The following SPMIP11 variants were observed in gnomAD, a reference collection of about 807,000 sequenced individuals.
The protein encoded by SPMIP11 is long intergenic non-protein coding RNA 935.
chr12:48,728,732 G>A, the SPMIP11 span, among the ~76,000 whole-genome samples: 15 of 127,788 alleles, frequency 1.2e-4, no homozygotes, highest in African/African-American at 3.8e-4. Flanking sequence ...AAAAAAAAAA[G>A]AAGGGGATAT....
At chr12:48,746,524 G>A in the SPMIP11 span, among the ~76,000 whole-genome samples, 2 of 151,410 alleles carry the variant, frequency 1.3e-5, no homozygotes, top group Admixed American at 6.6e-5. Context: ...CTGCCACCAC[G>A]GCCAGCTAAT....
the SPMIP11 span, among the ~76,000 whole-genome samples, chr12:48,738,147 CATT>C: frequency 2.6e-5 from 4 of 152,098 alleles, no homozygotes; most frequent in Non-Finnish European, 5.9e-5. Context: ...TCTTCATCAT[CATT>C]ATTATTATTT....
At chr12:48,763,386 C>T in the SPMIP11 span, among the ~76,000 whole-genome samples, 1 of 151,850 alleles carries the variant, frequency 6.6e-6, no homozygotes, top group Non-Finnish European at 1.5e-5. Flanking sequence ...GTTGCCTGGG[C>T]TGGTTCTGGA....
the SPMIP11 span, chr12:48,764,937 G>A: frequency 7.1e-6 from 5 of 702,792 alleles, no homozygotes; most frequent in South Asian, 4.4e-5. Context: ...GCGTCCAGAG[G>A]AAACCATGCC....
At chr12:48,742,635 G>A in the SPMIP11 span, among the ~76,000 whole-genome samples, 1 of 152,036 alleles carries the variant, frequency 6.6e-6, no homozygotes, top group East Asian at 2.0e-4. Flanking sequence ...TGTAATCTCA[G>A]CACTTTGGGA....
At chr12:48,762,559 G>T in the SPMIP11 span, among the ~76,000 whole-genome samples, 1 of 150,518 alleles carries the variant, frequency 6.6e-6, no homozygotes, top group East Asian at 2.0e-4. Flanking sequence ...GTAGAGACGA[G>T]GTTTCACCAT....
the SPMIP11 span, chr12:48,768,573 A>G: frequency 6.2e-7 from 1 of 1,613,970 alleles, no homozygotes; most frequent in Non-Finnish European, 8.5e-7. Context: ...CTTCAGCTGA[A>G]TTTGTGGCTG....
At chr12:48,769,711 C>T in the SPMIP11 span, among the ~76,000 whole-genome samples, 3 of 150,604 alleles carry the variant, frequency 2.0e-5, no homozygotes, top group Non-Finnish European at 3.0e-5. Context: ...CTCAGCCTCC[C>T]GAGTAGCTGG....
the SPMIP11 span, among the ~76,000 whole-genome samples, chr12:48,756,647 A>T: frequency 6.6e-6 from 1 of 152,278 alleles, no homozygotes; most frequent in Non-Finnish European, 1.5e-5. Flanking sequence ...TGGTAAACTG[A>T]TCCAGTTCCT....
the SPMIP11 span, among the ~76,000 whole-genome samples, chr12:48,744,721 A>AAAT: frequency 3.1e-3 from 465 of 151,546 alleles, 2 homozygotes; most frequent in Non-Finnish European, 4.4e-3. Flanking sequence ...TTCCATCTCA[A>AAAT]AATAATAATA....
chr12:48,770,771 T>G, the SPMIP11 span: 1 of 1,613,946 alleles, frequency 6.2e-7, no homozygotes, highest in Non-Finnish European at 8.5e-7. Context: ...CTTACCAATC[T>G]TCATCTGGAA....
chr12:48,763,642 C>T, the SPMIP11 span, among the ~76,000 whole-genome samples: 1 of 151,078 alleles, frequency 6.6e-6, no homozygotes, highest in East Asian at 1.9e-4. Context: ...AAATTTTATA[C>T]TGGTAGAATT....
the SPMIP11 span, among the ~76,000 whole-genome samples, chr12:48,763,985 CTTTT>C: frequency 7.2e-6 from 1 of 138,662 alleles, no homozygotes; most frequent in Admixed American, 7.3e-5. Context: ...GCCAAAAGTA[CTTTT>C]TTTTTTTTTT....
chr12:48,757,390 G>T, the SPMIP11 span, among the ~76,000 whole-genome samples: 24 of 152,138 alleles, frequency 1.6e-4, no homozygotes, highest in Non-Finnish European at 3.5e-4. Flanking sequence ...CCTCACCCCT[G>T]TAATCCTAGC....
At chr12:48,746,973 A>C in the SPMIP11 span, among the ~76,000 whole-genome samples, 1 of 152,040 alleles carries the variant, frequency 6.6e-6, no homozygotes, top group Non-Finnish European at 1.5e-5. Context: ...GTGGCTGTAA[A>C]TGACAACAAA....
chr12:48,729,263 C>T, the SPMIP11 span, among the ~76,000 whole-genome samples: 522 of 152,006 alleles, frequency 3.4e-3, 5 homozygotes, highest in African/African-American at 0.012. Context: ...GAGCCGGGCG[C>T]GGTGGCTCAC....
the SPMIP11 span, among the ~76,000 whole-genome samples, chr12:48,746,398 G>A: frequency 3.0e-3 from 377 of 124,588 alleles, 5 homozygotes; most frequent in Admixed American, 6.9e-3. Context: ...ATGGTGTCTC[G>A]CTCTGTTGCC....
At chr12:48,748,223 C>T in the SPMIP11 span, among the ~76,000 whole-genome samples, 1 of 152,166 alleles carries the variant, frequency 6.6e-6, no homozygotes, top group African/African-American at 2.4e-5. Context: ...CTTTTGTGTA[C>T]TGGAGCCCAT....
At chr12:48,755,037 T>C in the SPMIP11 span, among the ~76,000 whole-genome samples, 1 of 152,180 alleles carries the variant, frequency 6.6e-6, no homozygotes, top group Non-Finnish European at 1.5e-5. Flanking sequence ...CCTGAAAACA[T>C]TGTGGCCAAT....
Sources: gnomAD v4.1 joint callset for allele counts (sites outside exome capture counted in the v4.1 genomes callset) on GRCh38, gnomAD v4.1.1 for gene constraint, MANE v1.5 for transcripts, NCBI Gene and HGNC (gene_info 2026-07-23, HGNC 2026-07-21) for gene names.